Variants in PLXNA4 observed in about 807,000 individuals in gnomAD.
PLXNA4 encodes plexin A4, also known as plexin-A4.
Under a neutral mutation model 191.8 loss-of-function variants are expected in PLXNA4, and 44 were observed. The observed-to-expected ratio is 0.23, with a 90% CI of 0.18 to 0.29. The LOEUF (loss-of-function observed/expected upper bound fraction) is 0.29. PLXNA4 is among the 10% of genes least tolerant of loss of function. PLXNA4 has a pLI of 1.00. For missense variants in PLXNA4, 1,800 were observed against 2,488.8 expected (o/e 0.72, Z 5.89); for synonymous variants, 1,082 against 1,009.5 (o/e 1.07, Z -1.36).
intron 4 of PLXNA4, among the ~76,000 whole-genome samples, chr7:132,243,179 T>A (rs971113822): frequency 2.0e-5 from 3 of 152,120 alleles, no homozygotes; most frequent in Non-Finnish European, 2.9e-5. Context: ...CAAAACATAA[T>A]GCACAGAGGG....
chr7:132,296,830 C>T (rs1047580628), intron 4 of PLXNA4, among the ~76,000 whole-genome samples: 3 of 152,046 alleles, frequency 2.0e-5, no homozygotes, highest in Non-Finnish European at 2.9e-5. Context: ...CAGCTGCAGG[C>T]TCCATCTCGG....
intron 2 of PLXNA4, among the ~76,000 whole-genome samples, chr7:132,630,201 T>C (rs997379314): frequency 6.6e-6 from 1 of 152,156 alleles, no homozygotes; most frequent in Non-Finnish European, 1.5e-5. Context: ...GACCATGCCC[T>C]TATGACCTCA....
rs201845690 is a variant in PLXNA4, at chr7:132,562,137, CCTT to C, written c.-87+14282_-87+14284del. On this transcript the variant is annotated intron_variant, in intron 1 of 31. Coordinates refer to ENST00000321063, the MANE Select transcript of PLXNA4 (RefSeq NM_020911.2). ...TCTCTCCTTCTCCTCCTCCTTCTCT[CCTT>C]CTCCTCCTCCTTCTCTCCTTCTCCT... Among the ~76,000 whole-genome samples, 213 of 108,010 alleles carry C rather than the reference CCTT, an allele frequency of 2.0e-3. 6 individuals are homozygous for C. The highest frequency in any genetic ancestry group is 8.6e-3 in the African/African-American group (207 of 23,944). The allele number at this position is 108,010 out of a possible 152,430, so 70.9% of individuals were successfully genotyped here.
intron 3 of PLXNA4, among the ~76,000 whole-genome samples, chr7:132,478,312 T>A (rs549185403): frequency 2.6e-4 from 40 of 152,296 alleles, no homozygotes; most frequent in African/African-American, 9.6e-4. Context: ...TAAAATAAAA[T>A]ATTCCAGGTA....
At chr7:132,446,698 A>G (rs1003326493) in intron 3 of PLXNA4, among the ~76,000 whole-genome samples, 1 of 152,230 alleles carries the variant, frequency 6.6e-6, no homozygotes, top group African/African-American at 2.4e-5. Context: ...ACCTCATTGT[A>G]TCCTCACAAA....
intron 3 of PLXNA4, chr7:132,385,275 G>A (rs1443368790): frequency 6.2e-7 from 1 of 1,613,722 alleles, no homozygotes; most frequent in South Asian, 1.1e-5. Flanking sequence ...CAAGGGTAGG[G>A]CAGAGGCTGG....
chr7:132,505,679 T>G (rs1798438790), intron 2 of PLXNA4, among the ~76,000 whole-genome samples: 1 of 152,192 alleles, frequency 6.6e-6, no homozygotes, highest in Non-Finnish European at 1.5e-5. Context: ...TGCTGAGTCT[T>G]GAGATACTCA....
intron 1 of PLXNA4, among the ~76,000 whole-genome samples, chr7:132,513,789 C>T (rs1798832303): frequency 6.6e-6 from 1 of 152,032 alleles, no homozygotes; most frequent in Non-Finnish European, 1.5e-5. Context: ...ATTCTCCTGC[C>T]TCAGCCTCCC....
At chr7:132,274,306 C>G (rs1323203745) in intron 4 of PLXNA4, among the ~76,000 whole-genome samples, 1 of 151,012 alleles carries the variant, frequency 6.6e-6, no homozygotes, top group African/African-American at 2.4e-5. Context: ...ATTTTAAGAC[C>G]TATTGATTTT....
intron 3 of PLXNA4, among the ~76,000 whole-genome samples, chr7:132,343,524 G>A (rs1202759920): frequency 6.6e-6 from 1 of 151,002 alleles, no homozygotes; most frequent in African/African-American, 2.5e-5. Context: ...TGAAATTTGT[G>A]TCCTTTGAAA....
chr7:132,465,050 G>A (rs1228181105), intron 3 of PLXNA4, among the ~76,000 whole-genome samples: 1 of 152,210 alleles, frequency 6.6e-6, no homozygotes, highest in Non-Finnish European at 1.5e-5. Context: ...TATGGGGAGG[G>A]TGAATGATGA....
chr7:132,214,276 C>T (rs1013853579), intron 9 of PLXNA4, among the ~76,000 whole-genome samples: 43 of 152,256 alleles, frequency 2.8e-4, no homozygotes, highest in Admixed American at 2.1e-3. Context: ...CTGTCTCCCA[C>T]GTCCCCTGTA....
intron 2 of PLXNA4, among the ~76,000 whole-genome samples, chr7:132,492,505 C>T (rs1351930740): frequency 6.6e-6 from 1 of 152,174 alleles, no homozygotes; most frequent in East Asian, 1.9e-4. Flanking sequence ...TAAGTTTCCC[C>T]GTGGCTTGGC....
Position 132,303,917 on chromosome 7 carries a change from C to T in PLXNA4, c.1372-5695G>A, listed in dbSNP as rs565681325. ...GGAGATCTAGCCAACTGGAGTTTAA[C>T]CAGGGATGATCAGCCCAGCTCCAGG... On this transcript the variant is annotated intron_variant, in intron 3 of 31. Transcript: ENST00000321063. 1.2e-3 allele frequency among the ~76,000 whole-genome samples: 190 copies of T among 152,264 alleles called. 1 individual carries two copies. The highest frequency in any genetic ancestry group is 4.3e-3 in the Admixed American group (66 of 15,290).
intron 1 of PLXNA4, among the ~76,000 whole-genome samples, chr7:132,563,667 TCTCCTCCTCTTTCTCCTC>T (rs1563176621): frequency 3.0e-4 from 8 of 27,006 alleles, no homozygotes; most frequent in Admixed American, 7.6e-4. Flanking sequence ...TCCTCCTCCT[TCTCCTCCTCTTTCTCCTC>T]CTCCTCCTCC....
chr7:132,384,726 CT>C (rs1234199540), intron 3 of PLXNA4: 1 of 1,039,276 alleles, frequency 9.6e-7, no homozygotes, highest in Non-Finnish European at 1.2e-6. Context: ...GCACACACAC[CT>C]TTAAACACAG....
At chr7:132,384,735 C>T in intron 3 of PLXNA4, 2 of 1,041,496 alleles carry the variant, frequency 1.9e-6, no homozygotes, top group Non-Finnish European at 2.3e-6. Flanking sequence ...CCTTTAAACA[C>T]AGATAAGCAT....
At chr7:132,239,727 T>C (rs1798816206) in intron 5 of PLXNA4, among the ~76,000 whole-genome samples, 1 of 152,194 alleles carries the variant, frequency 6.6e-6, no homozygotes, top group South Asian at 2.1e-4. Context: ...ACTCCTAGGC[T>C]CCCCTGCTCT....
chr7:132,205,369 A>C (rs1050214898), intron 10 of PLXNA4, among the ~76,000 whole-genome samples: 64 of 152,080 alleles, frequency 4.2e-4, no homozygotes, highest in Non-Finnish European at 8.8e-5. Context: ...TTTGAGAGCT[A>C]CTCTGTGATT....
Sources: allele counts gnomAD v4.1 joint callset (sites outside exome capture counted in the v4.1 genomes callset), GRCh38; gene constraint gnomAD v4.1.1; transcripts MANE v1.5; gene names NCBI Gene and HGNC (gene_info 2026-07-23, HGNC 2026-07-21).